ANKMY1: variants seen among roughly 807,000 people sequenced by gnomAD.
ANKMY1 encodes ankyrin repeat and MYND domain-containing protein 1.
A neutral mutation model predicts 102.0 loss-of-function variants in ANKMY1; 98 were observed. The observed-to-expected ratio is 0.96, with a 90% CI of 0.82 to 1.14. The LOEUF is 1.14. Ranked by LOEUF, ANKMY1 falls within the 50% of genes most tolerant of loss-of-function variation. The pLI is 0.00. For synonymous variants in ANKMY1, 582 were observed against 559.9 expected (o/e 1.04, Z -0.56); for missense variants, 1,330 against 1,347.6 (o/e 0.99, Z 0.20).
chr2:240,509,841 C>T (rs2079793172), intron 11 of ANKMY1, among the ~76,000 whole-genome samples: 1 of 151,992 alleles, frequency 6.6e-6, no homozygotes, highest in Non-Finnish European at 1.5e-5. Flanking sequence ...CACCAGGGCT[C>T]AGTGATCGTA....
At chr2:240,538,867 A>T (rs1559358525) in intron 4 of ANKMY1, among the ~76,000 whole-genome samples, 1 of 152,190 alleles carries the variant, frequency 6.6e-6, no homozygotes, top group East Asian at 1.9e-4. Flanking sequence ...GGGTTTGTGG[A>T]TGCACCAATC....
chr2:240,499,075 G>A lies in ANKMY1; in HGVS notation c.2806+883C>T, dbSNP rs556124461. Among the ~76,000 whole-genome samples the A allele has an allele frequency of 1.9e-4, 29 of 152,260 alleles. No homozygotes were observed. Among genetic ancestry groups the A allele is most frequent in the African/African-American group, 7.0e-4 (29 of 41,538 alleles). ...AACAGCACGTGGAAGTGTGTGGGGC[G>A]GAGCACTGTGTGCTGGGAAGGCACC... is the stretch of plus-strand genomic sequence containing the variant. On this transcript the variant is annotated intron_variant, in intron 15 of 17. Coordinates refer to ENST00000401804, the MANE Select transcript of ANKMY1 (RefSeq NM_001282771.3). This position sits in a 1 kb window ranked among gnomAD's most constrained non-coding sequence, Gnocchi z 4.2.
At position 240,533,751 on chromosome 2, in the gene ANKMY1, A is replaced by T. The variant is rs574850853; in HGVS notation, c.481-4242T>A. ...CACACACACACACACACACACACAC[A>T]CACACTTTTTTTAGGTAGAGTGATG... is the stretch of plus-strand genomic sequence containing the variant. On this transcript the variant is annotated intron_variant, in intron 4 of 17. Coordinates refer to ENST00000401804, the MANE Select transcript of ANKMY1 (RefSeq NM_001282771.3). Among the ~76,000 whole-genome samples, 286 of 147,584 alleles carry T rather than the reference A, an allele frequency of 1.9e-3. 2 individuals are homozygous for T. The highest frequency in any genetic ancestry group is 6.7e-3 in the African/African-American group (271 of 40,464).
At chr2:240,511,730 A>G in intron 11 of ANKMY1, 131 bp downstream of exon 11, 1 of 1,228,258 alleles carries the variant, frequency 8.1e-7, no homozygotes, top group Non-Finnish European at 1.1e-6. Context: ...TTCCCTCCCC[A>G]TCCTTCCAAG....
chr2:240,500,909 G>A (rs955540979), intron 13 of ANKMY1, among the ~76,000 whole-genome samples: 4 of 152,242 alleles, frequency 2.6e-5, no homozygotes, highest in African/African-American at 9.6e-5. Context: ...TCAGTGACAT[G>A]AGGCAGACAC....
At chr2:240,471,806 G>C in the ANKMY1 span, among the ~76,000 whole-genome samples, 1 of 152,178 alleles carries the variant, frequency 6.6e-6, no homozygotes, top group Non-Finnish European at 1.5e-5. Flanking sequence ...TTTGCACCCA[G>C]GTTGCAGCTC....
At chr2:240,532,626 C>T (rs4459732) in intron 4 of ANKMY1, among the ~76,000 whole-genome samples, 1 of 152,148 alleles carries the variant, frequency 6.6e-6, no homozygotes, top group Admixed American at 6.5e-5. Context: ...TATAAAGCCA[C>T]TCTTATTAGG....
chr2:240,560,871 G>C, upstream of ANKMY1: 1 of 1,394,188 alleles, frequency 7.2e-7, no homozygotes, highest in Non-Finnish European at 9.4e-7. Context: ...CGCGCCCGGC[G>C]TGGCAGAGCT....
At chr2:240,558,835 T>C (rs1232407619), upstream of ANKMY1, among the ~76,000 whole-genome samples, 1 of 152,168 alleles carries the variant, frequency 6.6e-6, no homozygotes, top group Non-Finnish European at 1.5e-5. Flanking sequence ...TTCACTTCTC[T>C]CTAAAATCTC....
In ANKMY1 at chr2:240,553,264, TCC is replaced by T. The variant is rs1048715312; in HGVS notation, c.337-209_337-208del. The T allele has an allele frequency of 1.4e-4, 81 of 598,206 alleles. 1 individual carries two copies. The highest frequency in any genetic ancestry group is 3.0e-5 in the Admixed American group (1 of 33,316). The allele number at this position is 598,206 out of a possible 1,614,324, so 37.1% of individuals were successfully genotyped here. ...CAGGCAGTCAGCCTGATAGCCAGGC[TCC>T]CTCTCTGTCTTCTCCTCAGGTGGGG... On this transcript the variant is annotated intron_variant, in intron 3 of 17. Transcript: ENST00000401804.
chr2:240,510,315 C>T (rs1264891086), intron 11 of ANKMY1, among the ~76,000 whole-genome samples: 1 of 151,086 alleles, frequency 6.6e-6, no homozygotes, highest in African/African-American at 2.4e-5. Flanking sequence ...CTCCCTGCCT[C>T]CTGCCCTCCT....
In ANKMY1 at chr2:240,526,416, A is replaced by G. The variant is rs1396722013; in HGVS notation, c.983T>C (p.Met328Thr). The G allele has an allele frequency of 6.2e-7, 1 of 1,614,168 alleles. No individual in the cohort carries two copies. The highest frequency in any genetic ancestry group is 1.3e-5 in the African/African-American group (1 of 75,054). Residue 328 changes from methionine to threonine, a missense_variant, in exon 6 of 18, where the codon ATG (methionine) becomes ACG (threonine). Coordinates refer to ENST00000401804, the MANE Select transcript of ANKMY1 (RefSeq NM_001282771.3). Reference protein sequence around the residue: ...RNKPAHTSWNMGAILEGKRSG... With the variant: ...RNKPAHTSWNTGAILEGKRSG... ...GCGCTTCCCCTCCAGGATGGCGCCC[A>G]TGTTCCAGCTGGTGTGAGCTGGCTT... is the stretch of plus-strand genomic sequence containing the variant.
chr2:240,539,082 G>A (rs1393209144), intron 4 of ANKMY1, among the ~76,000 whole-genome samples: 1 of 152,186 alleles, frequency 6.6e-6, no homozygotes, highest in Admixed American at 6.5e-5. Context: ...GGGAATAAAC[G>A]CAGGCTGCCT....
At chr2:240,476,936 G>C (rs1340986469), downstream of ANKMY1, among the ~76,000 whole-genome samples, 1 of 152,216 alleles carries the variant, frequency 6.6e-6, no homozygotes, top group Non-Finnish European at 1.5e-5. Context: ...CAAACTGCAA[G>C]ACAGTTATTT....
chr2:240,479,743 G>A (rs2075126968), intron 17 of ANKMY1, 88 bp from the exon 18 acceptor site: 2 of 1,184,372 alleles, frequency 1.7e-6, no homozygotes, highest in Non-Finnish European at 2.5e-6. Flanking sequence ...GGGCTGTGTG[G>A]GGCGGCTGAG....
At chr2:240,509,311 A>G (rs759744807) in intron 12 of ANKMY1, 37 bp downstream of exon 12, 6 of 1,552,028 alleles carry the variant, frequency 3.9e-6, no homozygotes, top group Non-Finnish European at 5.3e-6. Context: ...ACGGAAACAC[A>G]TAGGTGCACA....
At chr2:240,554,453 T>G (rs2092034511) in intron 3 of ANKMY1, 1 of 163,448 alleles carries the variant, frequency 6.1e-6, no homozygotes, top group South Asian at 1.7e-4. Flanking sequence ...CAGTTTCAGC[T>G]GCATTGAATG....
intron 5 of ANKMY1, chr2:240,526,789 A>T: frequency 8.1e-7 from 1 of 1,236,724 alleles, no homozygotes; most frequent in Non-Finnish European, 1.0e-6. Context: ...GGTAGGATGG[A>T]GACCAACATA....
chr2:240,520,869 CCA>C lies in ANKMY1; in HGVS notation c.1833-338_1833-337del, dbSNP rs1349083532. 1.3e-5 allele frequency among the ~76,000 whole-genome samples: 2 copies of C among 151,752 alleles called. No individual in the cohort carries two copies. The highest frequency in any genetic ancestry group is 3.9e-4 in the East Asian group (2 of 5,166). On this transcript the variant is annotated intron_variant, in intron 8 of 17. Transcript: ENST00000401804. This position sits in a 1 kb window ranked among gnomAD's most constrained non-coding sequence, Gnocchi z 4.8. ...CGCACACACCATAGCACAGCGCACA[CCA>C]CACAGTACGCACACGGCACACCACA...
Sources: allele counts gnomAD v4.1 joint callset (sites outside exome capture counted in the v4.1 genomes callset), GRCh38; gene constraint gnomAD v4.1.1; non-coding constraint Gnocchi (gnomAD v3.1); transcripts MANE v1.5; gene names NCBI Gene and HGNC (gene_info 2026-07-23, HGNC 2026-07-21).